Variants in FAM47E observed in about 807,000 individuals in gnomAD.
FAM47E encodes protein FAM47E.
A neutral mutation model predicts 41.6 loss-of-function variants in FAM47E; 32 were observed. The observed-to-expected ratio is 0.77, with a 90% CI of 0.58 to 1.03. FAM47E has a LOEUF of 1.03. Among genes scored for constraint, FAM47E ranks in the 50% least tolerant of loss-of-function variants. The pLI is 0.00. For missense variants in FAM47E, 424 were observed against 485.4 expected, an observed-to-expected ratio of 0.87 and a Z score of 1.19; for synonymous variants, 184 against 188.7, an observed-to-expected ratio of 0.98 and a Z score of 0.20.
At chr4:76,263,609 A>G in intron 2 of FAM47E, 95 bp from the exon 3 acceptor site, 2 of 1,457,518 alleles carry the variant, frequency 1.4e-6, no homozygotes, top group Non-Finnish European at 1.8e-6. Context: ...CTGAAAAGGA[A>G]AAGTGAAGGG....
chr4:76,250,188 G>T (rs1404333671), upstream of FAM47E, among the ~76,000 whole-genome samples: 3 of 152,090 alleles, frequency 2.0e-5, no homozygotes, highest in Non-Finnish European at 4.4e-5. Flanking sequence ...CAGCGTAAAA[G>T]TGTTCTCTTT....
chr4:76,279,784 G>A (rs1735270760), intron 6 of FAM47E: 1 of 152,514 alleles, frequency 6.6e-6, no homozygotes, highest in Non-Finnish European at 1.5e-5. Flanking sequence ...GGTTTGGAAG[G>A]TGAAATGGTT....
intron 7 of FAM47E, 34 bp from the exon 8 acceptor site, chr4:76,283,347 C>T (rs1542096): frequency 0.66 from 897,294 of 1,363,772 alleles, 297,089 homozygotes; most frequent in East Asian, 0.77. Context: ...GTTTTGTTTG[C>T]CAATCTAATG....
At chr4:76,271,980 T>G (rs1734912018) in intron 5 of FAM47E, among the ~76,000 whole-genome samples, 1 of 152,238 alleles carries the variant, frequency 6.6e-6, no homozygotes, top group African/African-American at 2.4e-5. Context: ...GGGATTATTT[T>G]TAATACCTGA....
chr4:76,276,860 C>T (rs994514666), intron 5 of FAM47E, among the ~76,000 whole-genome samples: 7 of 152,178 alleles, frequency 4.6e-5, no homozygotes, highest in African/African-American at 1.7e-4. Context: ...ATGCTGAATC[C>T]AGCTCTGGAA....
intron 2 of FAM47E, among the ~76,000 whole-genome samples, chr4:76,238,312 T>C (rs1404469203): frequency 1.3e-4 from 20 of 152,184 alleles, no homozygotes; most frequent in Non-Finnish European, 1.5e-5. Flanking sequence ...AACGGGGTTT[T>C]CTCTACCTCC....
chr4:76,278,964 C>T (rs1044485710), intron 6 of FAM47E: 5 of 152,158 alleles, frequency 3.3e-5, no homozygotes, highest in Admixed American at 3.3e-4. Flanking sequence ...CGTGAAAACA[C>T]TTTGAGAAAG....
At chr4:76,249,086 G>A (rs1454824002), upstream of FAM47E, among the ~76,000 whole-genome samples, 1 of 152,030 alleles carries the variant, frequency 6.6e-6, no homozygotes, top group Non-Finnish European at 1.5e-5. Context: ...AAATTAGCCC[G>A]GCATGGTGGT....
intron 1 of FAM47E, among the ~76,000 whole-genome samples, chr4:76,214,728 C>T (rs573624656): frequency 9.5e-4 from 145 of 152,314 alleles, no homozygotes; most frequent in African/African-American, 3.2e-3. Context: ...TCTACGCCAG[C>T]CCTTTACTAG....
At chr4:76,224,104 TCTG>T (rs2109981604) in intron 2 of FAM47E, among the ~76,000 whole-genome samples, 2 of 152,342 alleles carry the variant, frequency 1.3e-5, no homozygotes, top group South Asian at 4.1e-4. Flanking sequence ...TCACAGGCAA[TCTG>T]CTGAAGAGAT....
intron 2 of FAM47E, among the ~76,000 whole-genome samples, chr4:76,218,404 C>T (rs1274724537): frequency 2.0e-5 from 3 of 152,312 alleles, no homozygotes; most frequent in Admixed American, 6.5e-5. Context: ...GCTTACATAT[C>T]CCAGAGGAGA....
In FAM47E at chr4:76,256,177, G is replaced by C; in HGVS notation, c.75-1G>C. The C allele has an allele frequency of 6.4e-7, 1 of 1,550,430 alleles. No individual in the cohort carries two copies. Among genetic ancestry groups the C allele is most frequent in the Non-Finnish European group, 8.7e-7 (1 of 1,146,082 alleles). ...ACAAAGAGAATCTATCTACCTTCCA[G>C]ATGTTTCACAAAGCACAAGAACGGG... On this transcript the variant is annotated splice_acceptor_variant, in intron 1 of 7. Transcript: ENST00000424749. LOFTEE classifies it high-confidence loss of function.
intron 2 of FAM47E, among the ~76,000 whole-genome samples, chr4:76,223,034 C>T (rs1560727865): frequency 1.3e-5 from 2 of 152,150 alleles, no homozygotes; most frequent in Non-Finnish European, 2.9e-5. Context: ...ATGATAATTG[C>T]ACACCCCTTC....
intron 5 of FAM47E, among the ~76,000 whole-genome samples, chr4:76,277,548 A>T (rs938965693): frequency 3.3e-5 from 2 of 60,384 alleles, no homozygotes; most frequent in Admixed American, 1.4e-4. Context: ...GCAGTTTGAT[A>T]AAAAAAAAAA....
chr4:76,251,557 C>T (rs1733963101), upstream of FAM47E: 3 of 1,187,846 alleles, frequency 2.5e-6, no homozygotes, highest in African/African-American at 1.6e-5. Context: ...GGTACCCTCT[C>T]CCTTCCCTCG....
chr4:76,269,402 G>A (rs1268940436), intron 4 of FAM47E: 2 of 152,218 alleles, frequency 1.3e-5, no homozygotes, highest in African/African-American at 4.8e-5. Flanking sequence ...GGATCACAAG[G>A]TCAGGAGTTT....
chr4:76,254,144 A>C (rs375411656), intron 1 of FAM47E, among the ~76,000 whole-genome samples: 2,970 of 142,106 alleles, frequency 0.021, 74 homozygotes, highest in Middle Eastern at 0.056. Flanking sequence ...AAAAAAAAAA[A>C]CAGAAAAAGA....
chr4:76,280,000 G>A (rs1735278359), intron 6 of FAM47E: 1 of 324,608 alleles, frequency 3.1e-6, no homozygotes, highest in Middle Eastern at 9.5e-4. Flanking sequence ...GACATCATAG[G>A]TCAATAATTG....
Position 76,251,776 on chromosome 4 carries a change from G to A in FAM47E, c.30G>A (p.Pro10=), listed in dbSNP as rs1380009100. 17 of 1,489,956 alleles carry A rather than the reference G, an allele frequency of 1.1e-5. No homozygotes were observed. Among genetic ancestry groups the A allele is most frequent in the Non-Finnish European group, 1.8e-6 (2 of 1,126,362 alleles). The allele number at this position is 1,489,956 out of a possible 1,614,324, so 92.3% of individuals were successfully genotyped here. MADRRRRLR[P]GTLAPVREGV... ...CGGACCGCAGGCGGCGGCTCCGGCC[G>A]GGGACGTTGGCCCCGGTGCGCGAGG... is the stretch of plus-strand genomic sequence containing the variant. Residue 10 remains proline, a synonymous_variant, in exon 1 of 8, where the codon CCG becomes CCA. Coordinates refer to ENST00000424749, the MANE Select transcript of FAM47E (RefSeq NM_001136570.3).
Sources: allele counts gnomAD v4.1 joint callset (sites outside exome capture counted in the v4.1 genomes callset), GRCh38; gene constraint gnomAD v4.1.1; transcripts MANE v1.5; gene names NCBI Gene and HGNC (gene_info 2026-07-23, HGNC 2026-07-21).